The following ULK2 variants were observed in gnomAD, a reference collection of about 807,000 sequenced individuals.
The protein encoded by ULK2 is serine/threonine-protein kinase ULK2.
Under a neutral mutation model 127.5 loss-of-function variants are expected in ULK2, and 76 were observed. The observed-to-expected ratio is 0.60, with a 90% CI of 0.50 to 0.72. The LOEUF (loss-of-function observed/expected upper bound fraction) is 0.72, where lower values mean the gene tolerates loss of function less well. Ranked by LOEUF, ULK2 falls within the 30% of genes least tolerant of loss-of-function variation. The pLI, the probability that ULK2 is intolerant of heterozygous loss-of-function variation, is 0.00. For missense variants in ULK2, 1,144 were observed against 1,295.9 expected (o/e 0.88, Z 1.80); for synonymous variants, 452 against 461.9 (o/e 0.98, Z 0.28).
chr17:19,828,203 G>A (rs1355158914), intron 10 of ULK2, among the ~76,000 whole-genome samples: 1 of 152,130 alleles, frequency 6.6e-6, no homozygotes, highest in Non-Finnish European at 1.5e-5. Context: ...GATATCCCCA[G>A]AAAAACAAAA....
At chr17:19,819,409 C>G (rs1388140567) in intron 12 of ULK2, among the ~76,000 whole-genome samples, 1 of 152,066 alleles carries the variant, frequency 6.6e-6, no homozygotes, top group Admixed American at 6.6e-5. Context: ...TCTCATTTGC[C>G]CCTCAAAAAG....
intron 21 of ULK2, among the ~76,000 whole-genome samples, chr17:19,784,443 T>C (rs918739317): frequency 5.9e-5 from 9 of 151,784 alleles, no homozygotes; most frequent in African/African-American, 2.2e-4. Context: ...AGAACTGTTA[T>C]AGTACTCTCT....
rs191133175 is a variant in ULK2 at position 19,808,666 on chromosome 17, T to C, written c.1157+1712A>G. Among the ~76,000 whole-genome samples the C allele has an allele frequency of 5.9e-5, 9 of 152,266 alleles. No individual in the cohort carries two copies. In the East Asian group the frequency reaches 1.7e-3, roughly 29 times the overall value. ...ATGATATACAAATGGCTAAGAAGTATAAGAAAAGATGTTCAATATCACTAA... is the reference window on the plus strand; with the variant it reads ...ATGATATACAAATGGCTAAGAAGTACAAGAAAAGATGTTCAATATCACTAA... On this transcript the variant is annotated intron_variant, in intron 14 of 26. Coordinates refer to ENST00000395544, the MANE Select transcript of ULK2 (RefSeq NM_014683.4).
chr17:19,832,266 CTT>C (rs139741876), intron 10 of ULK2, among the ~76,000 whole-genome samples: 4 of 140,432 alleles, frequency 2.8e-5, no homozygotes, highest in African/African-American at 7.8e-5. Context: ...GAAACATTTT[CTT>C]TTTTTTTTTT....
intron 25 of ULK2, among the ~76,000 whole-genome samples, chr17:19,779,531 CAAAAAAAAA>C (rs55957234): frequency 4.4e-5 from 3 of 67,992 alleles, no homozygotes; most frequent in Middle Eastern, 8.1e-3. Context: ...AACTCCATCT[CAAAAAAAAA>C]AAAAAAAAAA....
intron 13 of ULK2, among the ~76,000 whole-genome samples, chr17:19,813,125 C>T (rs3098903): frequency 0.98 from 149,247 of 152,284 alleles, 73,155 homozygotes; most frequent in East Asian, 1. Flanking sequence ...TTATACTCTT[C>T]AGGCAAAAGA....
At position 19,809,499 on chromosome 17, in the gene ULK2, G is replaced by A. The variant is rs144628935; in HGVS notation, c.1157+879C>T. Among the ~76,000 whole-genome samples, 124 of 151,462 alleles carry A rather than the reference G, an allele frequency of 8.2e-4. No homozygotes were observed. The Middle Eastern group carries it at 0.014, about 17-fold the overall frequency. ...TGTAATCCCAGCACTTTGGGAGGCC[G>A]AGGCGGGCAATCACCTGAGGTCAGG... On this transcript the variant is annotated intron_variant, in intron 14 of 26. Coordinates refer to ENST00000395544, the MANE Select transcript of ULK2 (RefSeq NM_014683.4).
chr17:19,825,666 C>A (rs1432296671), intron 11 of ULK2, among the ~76,000 whole-genome samples: 1 of 151,322 alleles, frequency 6.6e-6, no homozygotes, highest in Non-Finnish European at 1.5e-5. Context: ...TGCACTCCAG[C>A]CTGAGTGACA....
Position 19,816,875 on chromosome 17 carries a change from G to C in ULK2, c.970C>G (p.Pro324Ala), listed in dbSNP as rs139594236. The C allele has an allele frequency of 2.1e-5, 34 of 1,609,584 alleles. No individual in the cohort carries two copies. In the African/African-American group the frequency reaches 3.6e-4, roughly 17 times the overall value. ...AGATAGTTGGGAGGACCCAATGGTGGGGAAGATAAGTTTTCTTCCTGAATA... is the reference window on the plus strand; with the variant it reads ...AGATAGTTGGGAGGACCCAATGGTGCGGAAGATAAGTTTTCTTCCTGAATA... ...QHIQEENLSSPPLGPPNYLQV... is the reference protein window; with the variant it reads ...QHIQEENLSSAPLGPPNYLQV... Residue 324 changes from proline (P) to alanine (A), a missense_variant, in exon 13 of 27, where the codon CCA (proline) becomes GCA (alanine). Physicochemically the swap from Pro to Ala is conservative, Grantham distance 27. Around this residue, in one of 2 missense-constraint regions of ULK2, gnomAD observed 913 missense variants for 970.5 expected, o/e 0.94. Transcript: ENST00000395544.
chr17:19,854,944 C>CA (rs1332652891), intron 3 of ULK2, among the ~76,000 whole-genome samples: 1 of 151,050 alleles, frequency 6.6e-6, no homozygotes, highest in Admixed American at 6.6e-5. Flanking sequence ...ACTAAAAATA[C>CA]AAAAAATTAG....
At chr17:19,814,078 T>C (rs1394448256) in intron 13 of ULK2, among the ~76,000 whole-genome samples, 1 of 151,922 alleles carries the variant, frequency 6.6e-6, no homozygotes, top group Non-Finnish European at 1.5e-5. Flanking sequence ...ATTCTTATAA[T>C]ATAGACAAAA....
rs765583049 is a variant in ULK2, at chr17:19,783,921, G to C, written c.2252-16C>G. On this transcript the variant is annotated splice_polypyrimidine_tract_variant and intron_variant, in intron 21 of 26. Transcript: ENST00000395544. ...CTGGGCCCCACTACAAGGAAACAGA[G>C]GATACATGGCAGTGTCCAGAGTTAG... The C allele has an allele frequency of 1.4e-5, 20 of 1,477,810 alleles. No homozygotes were observed. Among genetic ancestry groups the C allele is most frequent in the Non-Finnish European group, 1.7e-5 (19 of 1,111,906 alleles). The allele number at this position is 1,477,810 out of a possible 1,614,324, so 91.5% of individuals were successfully genotyped here.
At chr17:19,788,815 G>A (rs1167331716) in intron 20 of ULK2, among the ~76,000 whole-genome samples, 1 of 152,158 alleles carries the variant, frequency 6.6e-6, no homozygotes, top group African/African-American at 2.4e-5. Context: ...CTCCTTGTGG[G>A]CCATTGGTGG....
chr17:19,782,829 T>C (rs1210623717), intron 22 of ULK2, among the ~76,000 whole-genome samples: 2 of 151,886 alleles, frequency 1.3e-5, no homozygotes, highest in Non-Finnish European at 2.9e-5. Flanking sequence ...GGCAGGAGAG[T>C]GGCTTGAACC....
At chr17:19,848,035 T>C (rs1597806848) in intron 5 of ULK2, among the ~76,000 whole-genome samples, 1 of 152,180 alleles carries the variant, frequency 6.6e-6, no homozygotes, top group East Asian at 1.9e-4. Context: ...GTTGACATGA[T>C]GATTAAATAA....
chr17:19,828,433 A>G, intron 10 of ULK2, among the ~76,000 whole-genome samples: 1 of 152,252 alleles, frequency 6.6e-6, no homozygotes, highest in East Asian at 1.9e-4. Flanking sequence ...CAAATGCATT[A>G]AAATTATCAT....
intron 10 of ULK2, among the ~76,000 whole-genome samples, chr17:19,833,232 C>CA (rs2041507842): frequency 6.6e-6 from 1 of 150,776 alleles, no homozygotes; most frequent in African/African-American, 2.4e-5. Flanking sequence ...TGATTTTTGA[C>CA]AAAAAACCGC....
chr17:19,789,457 A>G lies in ULK2; in HGVS notation c.2102-3371T>C, dbSNP rs142125664. The stretch of plus-strand genomic sequence containing the variant: ...ACAGATTGCAAAGCCCAGGCTGTGA[A>G]GACAACAATAAATACCTAACATGTC... On this transcript the variant is annotated intron_variant, in intron 20 of 26. Transcript: ENST00000395544. Among the ~76,000 whole-genome samples, 778 of 152,342 alleles carry G rather than the reference A, an allele frequency of 5.1e-3. 26 individuals carry two copies. Among genetic ancestry groups the G allele is most frequent in the Admixed American group, 0.043 (652 of 15,296 alleles).
At chr17:19,813,337 G>A (rs567872666) in intron 13 of ULK2, among the ~76,000 whole-genome samples, 55 of 152,046 alleles carry the variant, frequency 3.6e-4, no homozygotes, top group African/African-American at 1.3e-3. Context: ...ACAATACTCA[G>A]AGAAAAAGAA....
Sources: gnomAD v4.1 joint callset for allele counts (sites outside exome capture counted in the v4.1 genomes callset) on GRCh38, gnomAD v4.1.1 for gene constraint, gnomAD v4.1.1 regional missense constraint, MANE v1.5 for transcripts, NCBI Gene and HGNC (gene_info 2026-07-23, HGNC 2026-07-21) for gene names.